Variants in ZSCAN20 observed in about 807,000 individuals in gnomAD.
The protein encoded by ZSCAN20 is zinc finger and SCAN domain-containing protein 20.
In ZSCAN20, 39 loss-of-function variants were observed where a neutral mutation model predicts 97.1. The observed-to-expected ratio is 0.40, with a 90% CI of 0.31 to 0.52. ZSCAN20 has a LOEUF of 0.52. ZSCAN20 is among the 20% of genes least tolerant of loss of function. The probability of loss-of-function intolerance (pLI) is 0.49; values close to 1 mark genes in which losing one functional copy is unlikely to be tolerated. For missense variants in ZSCAN20, 1,115 were observed against 1,290.4 expected (o/e 0.86, Z 2.08); for synonymous variants, 456 against 467.3 (o/e 0.98, Z 0.31).
At chr1:33,484,636 T>TA (rs1652286431) in intron 2 of ZSCAN20, among the ~76,000 whole-genome samples, 2 of 151,018 alleles carry the variant, frequency 1.3e-5, no homozygotes, top group African/African-American at 2.4e-5. Flanking sequence ...TTTTTTTTTT[T>TA]AGCTGGAGTC....
rs562079441 is a variant in ZSCAN20 at position 33,485,052 on chromosome 1, T to G, written c.418-3413T>G. 1.1e-4 allele frequency among the ~76,000 whole-genome samples: 16 copies of G among 152,364 alleles called. No homozygotes were observed. The South Asian group carries it at 3.3e-3, about 32-fold the overall frequency. ...TAAGGAAATATTCCCTCTGCTTCTA[T>G]CTTCTGGAAGAGATAGTAGAGAATT... On this transcript the variant is annotated intron_variant, in intron 2 of 7. Coordinates refer to ENST00000684572, the MANE Select transcript of ZSCAN20 (RefSeq NM_001377376.1).
At chr1:33,475,879 A>T (rs1323110199) in intron 1 of ZSCAN20, among the ~76,000 whole-genome samples, 2 of 149,230 alleles carry the variant, frequency 1.3e-5, no homozygotes, top group African/African-American at 5.0e-5. Flanking sequence ...CATGTTGGCC[A>T]GGCTGGTCTC....
At chr1:33,488,679 T>C (rs1652468442) in intron 3 of ZSCAN20, 28 bp downstream of exon 3, 1 of 1,595,986 alleles carries the variant, frequency 6.3e-7, no homozygotes, top group Admixed American at 1.8e-5. Context: ...CATTAGGGAA[T>C]GAGGCCTTCT....
Position 33,494,955 on chromosome 1 carries a change from G to A in ZSCAN20, c.2611G>A (p.Gly871Arg). ...TCCTGGACCACACAGCACAAACTCA[G>A]GGGAGAAACTTTATGAGTGTTCTGA... is the stretch of plus-strand genomic sequence containing the variant. ...NSPGPHSTNS[G>R]EKLYECSECG... The change falls in exon 8 of 8, where the codon GGG becomes AGG. Residue 871 changes from glycine (G) to arginine (R), a missense_variant. Physicochemically the swap from Gly to Arg is moderately radical, Grantham distance 125. Coordinates refer to ENST00000684572, the MANE Select transcript of ZSCAN20 (RefSeq NM_001377376.1). 1 of 1,614,110 alleles carries A rather than the reference G, an allele frequency of 6.2e-7. No individual in the cohort carries two copies. The highest frequency in any genetic ancestry group is 8.5e-7 in the Non-Finnish European group (1 of 1,180,016).
At chr1:33,480,349 AAAT>A (rs1652106503) in intron 2 of ZSCAN20, among the ~76,000 whole-genome samples, 1 of 152,204 alleles carries the variant, frequency 6.6e-6, no homozygotes, top group South Asian at 2.1e-4. Context: ...TCTCTACAAA[AAAT>A]ACAAACGAAA....
At chr1:33,478,534 G>T (rs1380789103) in intron 1 of ZSCAN20, among the ~76,000 whole-genome samples, 1 of 152,016 alleles carries the variant, frequency 6.6e-6, no homozygotes, top group Non-Finnish European at 1.5e-5. Flanking sequence ...GTCATGAAGG[G>T]GTTTGGATTT....
Position 33,491,291 on chromosome 1 carries a change from G to A in ZSCAN20, c.1033G>A (p.Glu345Lys), listed in dbSNP as rs1265099063. 6 of 1,614,200 alleles carry A rather than the reference G, an allele frequency of 3.7e-6. No homozygotes were observed. The highest frequency in any genetic ancestry group is 5.1e-6 in the Non-Finnish European group (6 of 1,180,036). The change falls in exon 6 of 8, where the codon GAA (glutamate) becomes AAA (lysine). Residue 345 changes from glutamate to lysine, a missense_variant. By Grantham distance (56) the Glu-to-Lys change is moderately conservative (BLOSUM62 1). Transcript: ENST00000684572. This position sits in a 1 kb window ranked among gnomAD's most constrained non-coding sequence, Gnocchi z 4.3. ...LAILSESPFS[E>K]KLRTCHQNRQ... ...AATTTTGAGTGAATCTCCTTTCTCTGAAAAGCTCCGGACTTGTCACCAGAA... is the reference window on the plus strand; with the variant it reads ...AATTTTGAGTGAATCTCCTTTCTCTAAAAAGCTCCGGACTTGTCACCAGAA...
At chr1:33,489,636 C>T (rs1314382665) in intron 5 of ZSCAN20, 34 bp downstream of exon 5, 1 of 1,592,658 alleles carries the variant, frequency 6.3e-7, no homozygotes, top group African/African-American at 1.3e-5. Flanking sequence ...GTGATGTTGT[C>T]ATGCTTCTGA....
rs1246260821 is a variant in ZSCAN20 at position 33,495,982 on chromosome 1, A to G, written c.*506A>G. ...AGCACAGAGTAGGAAGAACAGTGAC[A>G]TCATTACAAAATCATCAATAGCAGC... On this transcript the variant is annotated 3_prime_UTR_variant, in exon 8 of 8. Coordinates refer to ENST00000684572, the MANE Select transcript of ZSCAN20 (RefSeq NM_001377376.1). 1 of 152,560 alleles carries G rather than the reference A, an allele frequency of 6.6e-6. No individual in the cohort carries two copies. The highest frequency in any genetic ancestry group is 2.4e-5 in the African/African-American group (1 of 41,496). The allele number at this position is 152,560 out of a possible 1,614,324, so 9.5% of individuals were successfully genotyped here.
intron 2 of ZSCAN20, 127 bp from the exon 3 acceptor site, chr1:33,488,338 C>A: frequency 1.1e-6 from 1 of 874,096 alleles, no homozygotes; most frequent in Non-Finnish European, 1.8e-6. Flanking sequence ...TGATGGCTTT[C>A]TCATCCTATT....
rs1444116578 is a variant in ZSCAN20 at position 33,500,501 on chromosome 1, AAAG to A, written c.*5031_*5033del. Among the ~76,000 whole-genome samples, 6 of 152,252 alleles carry A rather than the reference AAAG, an allele frequency of 3.9e-5. No individual in the cohort carries two copies. The highest frequency in any genetic ancestry group is 2.1e-4 in the South Asian group (1 of 4,822). ...TAAGTCAAGAGCATTAGAAGAGTAA[AAAG>A]AAGAATACAATTAGATAATTTTACC... On this transcript the variant is annotated 3_prime_UTR_variant, in exon 8 of 8. Coordinates refer to ENST00000684572, the MANE Select transcript of ZSCAN20 (RefSeq NM_001377376.1).
In ZSCAN20 at chr1:33,498,495, G is replaced by A. The variant is rs190596002; in HGVS notation, c.*3019G>A. Among the ~76,000 whole-genome samples the A allele has an allele frequency of 2.0e-5, 3 of 152,322 alleles. No homozygotes were observed. The East Asian group carries it at 5.8e-4, about 29-fold the overall frequency. On this transcript the variant is annotated 3_prime_UTR_variant, in exon 8 of 8. Coordinates refer to ENST00000684572, the MANE Select transcript of ZSCAN20 (RefSeq NM_001377376.1). ...GGGGCTTCAGTGTTCCAGGCTTGCT[G>A]TCTACCCAAGAGCTTGCTGGGCACC...
chr1:33,492,243 C>G (rs1162815010), intron 6 of ZSCAN20: 1 of 152,342 alleles, frequency 6.6e-6, no homozygotes, highest in Admixed American at 6.5e-5. Context: ...CAGGTAGGAG[C>G]AGAGCCCGGA....
At chr1:33,485,587 T>TG (rs1652333317) in intron 2 of ZSCAN20, among the ~76,000 whole-genome samples, 1 of 150,994 alleles carries the variant, frequency 6.6e-6, no homozygotes, top group African/African-American at 2.4e-5. Context: ...TTTGTATATT[T>TG]TTTTTTTGTT....
intron 2 of ZSCAN20, among the ~76,000 whole-genome samples, chr1:33,480,580 T>TTA (rs1201950376): frequency 4.6e-5 from 7 of 152,136 alleles, no homozygotes; most frequent in Non-Finnish European, 1.0e-4. Context: ...TGGTCTAAGC[T>TTA]TATATATATA....
intron 6 of ZSCAN20, among the ~76,000 whole-genome samples, chr1:33,492,968 T>C (rs1652684872): frequency 6.6e-6 from 1 of 152,038 alleles, no homozygotes; most frequent in African/African-American, 2.4e-5. Context: ...AGCCAAGACT[T>C]GAAGTGTTAA....
Position 33,491,386 on chromosome 1 carries a change from T to C in ZSCAN20, c.1128T>C (p.Cys376=), listed in dbSNP as rs1263189636. The C allele has an allele frequency of 6.2e-7, 1 of 1,614,172 alleles. No individual in the cohort carries two copies. Among genetic ancestry groups the C allele is most frequent in the East Asian group, 2.2e-5 (1 of 44,884 alleles). Reference sequence around the variant, plus strand: ...GCTTCCTGCGGACACTGGAGCAATGTCGCTATAGGGTCAAAAACCTCCTAC... The same window carrying C: ...GCTTCCTGCGGACACTGGAGCAATGCCGCTATAGGGTCAAAAACCTCCTAC... ...ARGFLRTLEQ[C]RYRVKNLLRN... The change falls in exon 6 of 8, where the codon TGT becomes TGC. Residue 376 remains cysteine (C), a synonymous_variant. Coordinates refer to ENST00000684572, the MANE Select transcript of ZSCAN20 (RefSeq NM_001377376.1). The surrounding 1 kb of genome is among the most constrained non-coding windows in gnomAD (Gnocchi z 4.3).
rs1370062709 is a variant in ZSCAN20 at position 33,493,687 on chromosome 1, A to G, written c.1873+72A>G. 8.3e-6 allele frequency: 12 copies of G among 1,438,370 alleles called. No homozygotes were observed. The Admixed American group carries it at 2.7e-4, about 33-fold the overall frequency. The allele number at this position is 1,438,370 out of a possible 1,614,324, so 89.1% of individuals were successfully genotyped here. A position where few individuals can be genotyped will look rare whatever the true frequency, so the allele number is the denominator to read the frequency against. ...AGAGAATGAGGAAGCCAGGCTCATT[A>G]TCTTTTGTCTCTTAACTAAAAGAGA... is the stretch of plus-strand genomic sequence containing the variant. On this transcript the variant is annotated intron_variant, in intron 7 of 7. Coordinates refer to ENST00000684572, the MANE Select transcript of ZSCAN20 (RefSeq NM_001377376.1). This position sits in a 1 kb window ranked among gnomAD's most constrained non-coding sequence, Gnocchi z 4.3.
At chr1:33,474,736 G>A (rs1570541433) in intron 1 of ZSCAN20, among the ~76,000 whole-genome samples, 1 of 152,208 alleles carries the variant, frequency 6.6e-6, no homozygotes, top group Admixed American at 6.5e-5. Context: ...TAAAAATCCA[G>A]AGTGCTAGTT....
Sources: allele counts gnomAD v4.1 joint callset (sites outside exome capture counted in the v4.1 genomes callset), GRCh38; gene constraint gnomAD v4.1.1; non-coding constraint Gnocchi (gnomAD v3.1); transcripts MANE v1.5; gene names NCBI Gene and HGNC (gene_info 2026-07-23, HGNC 2026-07-21).